Variants in PPFIA1 observed in about 807,000 individuals in gnomAD.
PPFIA1 encodes the protein liprin-alpha-1.
PPFIA1 carries 25 observed loss-of-function variants against 149.9 expected under a neutral mutation model. The ratio of observed to expected loss-of-function variants is 0.17; its 90% CI spans 0.12 to 0.23. PPFIA1 has a LOEUF of 0.23. PPFIA1 is among the 10% of genes least tolerant of loss of function. The pLI, the probability that PPFIA1 is intolerant of heterozygous loss-of-function variation, is 1.00. For missense variants in PPFIA1, 1,362 were observed against 1,506.5 expected, an observed-to-expected ratio of 0.90 and a Z score of 1.59; for synonymous variants, 549 against 552.8, an observed-to-expected ratio of 0.99 and a Z score of 0.10.
At position 70,307,549 on chromosome 11, in the gene PPFIA1, G is replaced by T. The variant is rs149634144; in HGVS notation, c.265-16853G>T. Among the ~76,000 whole-genome samples, 8 of 152,222 alleles carry T rather than the reference G, an allele frequency of 5.3e-5. No homozygotes were observed. In the East Asian group the frequency reaches 1.5e-3, roughly 29 times the overall value. ...GAAGAGTGAACAGGGCTGAAAGGGA[G>T]ATTTCTCTATATACACCTTTATTAC... On this transcript the variant is annotated intron_variant, in intron 2 of 27. Coordinates refer to ENST00000253925, the MANE Select transcript of PPFIA1 (RefSeq NM_003626.5).
At chr11:70,309,892 T>TG (rs1227353068) in intron 2 of PPFIA1, among the ~76,000 whole-genome samples, 1 of 151,980 alleles carries the variant, frequency 6.6e-6, no homozygotes, top group Non-Finnish European at 1.5e-5. Flanking sequence ...GGGGTTTTTT[T>TG]GGGGGGTGAC....
In PPFIA1 at chr11:70,372,050, C is replaced by T. The variant is rs1219147205; in HGVS notation, c.2866-165C>T. On this transcript the variant is annotated intron_variant, in intron 21 of 27. Coordinates refer to ENST00000253925, the MANE Select transcript of PPFIA1 (RefSeq NM_003626.5). ...TCCTGTTGTATAAAAATTTTACTAA[C>T]AAATTTAAAAGGTGAGAAGAGATCA... The T allele has an allele frequency of 1.1e-4, 53 of 496,134 alleles. No homozygotes were observed. In the East Asian group the frequency reaches 1.5e-3, roughly 14 times the overall value. 30.7% of individuals were successfully genotyped at this position (496,134 alleles called of 1,614,324 possible).
chr11:70,374,791 C>T, intron 23 of PPFIA1, 127 bp from the exon 24 acceptor site: 2 of 814,992 alleles, frequency 2.5e-6, no homozygotes, highest in Non-Finnish European at 3.9e-6. Context: ...GCAGTGTCTC[C>T]CAGCACTTTT....
At chr11:70,372,992 G>A (rs539884691) in intron 23 of PPFIA1, among the ~76,000 whole-genome samples, 8 of 152,306 alleles carry the variant, frequency 5.3e-5, no homozygotes, top group South Asian at 2.1e-4. Flanking sequence ...GGAGAGCACC[G>A]TGCAGTTCTG....
rs1354936122 is a variant in PPFIA1, at chr11:70,324,464, A to G, written c.327A>G (p.Glu109=). Residue 109 remains glutamate (E), a synonymous_variant, in exon 3 of 28, where the codon GAA becomes GAG. Coordinates refer to ENST00000253925, the MANE Select transcript of PPFIA1 (RefSeq NM_003626.5). ...GGGAACAGCTCCTTGAAAGGGAAGA[A>G]GAAATTGCTGAACTGAAAGCAGAAA... ...VCREQLLERE[E]EIAELKAERN... is the part of the protein sequence containing the mutation. The G allele has an allele frequency of 2.5e-6, 4 of 1,613,722 alleles. No homozygotes were observed. The African/African-American group carries it at 5.3e-5, about 22-fold the overall frequency.
In PPFIA1 at chr11:70,270,695, C is replaced by G. The variant is rs1284435869; in HGVS notation, c.-220C>G. The G allele has an allele frequency of 6.6e-6, 1 of 151,248 alleles. No individual in the cohort carries two copies. Among genetic ancestry groups the G allele is most frequent in the Non-Finnish European group, 1.5e-5 (1 of 67,750 alleles). The allele number at this position is 151,248 out of a possible 1,614,324, so 9.4% of individuals were successfully genotyped here. On this transcript the variant is annotated 5_prime_UTR_variant, in exon 1 of 28. Coordinates refer to ENST00000253925, the MANE Select transcript of PPFIA1 (RefSeq NM_003626.5). ...GCGCTCGACGTCGGGCACGTAGACG[C>G]CGGCGCCGCGCAGCCGGGCCCGCTC...
chr11:70,285,371 G>C (rs2051039568), intron 2 of PPFIA1, among the ~76,000 whole-genome samples: 1 of 152,032 alleles, frequency 6.6e-6, no homozygotes, highest in Admixed American at 6.6e-5. Context: ...CATGGGTTTG[G>C]GCTATAAAGT....
At chr11:70,357,648 G>A (rs9705227) in intron 19 of PPFIA1, among the ~76,000 whole-genome samples, 26,799 of 150,530 alleles carry the variant, frequency 0.18, 3,104 homozygotes, top group African/African-American at 0.32. Flanking sequence ...GTGCAGTGGC[G>A]CAATCTCAGT....
chr11:70,358,715 T>A (rs1443340861), intron 19 of PPFIA1: 1 of 152,362 alleles, frequency 6.6e-6, no homozygotes, highest in East Asian at 1.9e-4. Context: ...TGCTTTCACT[T>A]ACAGAGAACT....
chr11:70,312,444 G>GC (rs1191505351), intron 2 of PPFIA1, among the ~76,000 whole-genome samples: 5 of 152,142 alleles, frequency 3.3e-5, no homozygotes, highest in Admixed American at 2.0e-4. Flanking sequence ...TCCCACCCGA[G>GC]CCCCCCAAAG....
chr11:70,288,611 A>G (rs914282739), intron 2 of PPFIA1, among the ~76,000 whole-genome samples: 3 of 152,194 alleles, frequency 2.0e-5, no homozygotes, highest in African/African-American at 7.2e-5. Context: ...CCGTCCGTGT[A>G]CAGTGATGAA....
chr11:70,378,148 C>T lies in PPFIA1; in HGVS notation c.3503C>T (p.Ser1168Phe). ...ETLPANFRVT[S>F]SMSSPSMQPK... ...CTCCCTGCAAACTTCCGGGTGACTT[C>T]TTCTATGTCTTCCCCCTCTATGCAG... The change falls in exon 26 of 28, where the codon TCT (serine) becomes TTT (phenylalanine). Residue 1168 changes from serine to phenylalanine, a missense_variant. Physicochemically the swap from Ser to Phe is radical, Grantham distance 155. Transcript: ENST00000253925. The T allele has an allele frequency of 6.2e-7, 1 of 1,614,118 alleles. No homozygotes were observed. Among genetic ancestry groups the T allele is most frequent in the Non-Finnish European group, 8.5e-7 (1 of 1,180,002 alleles).
chr11:70,330,887 T>C (rs1034979902), intron 8 of PPFIA1, among the ~76,000 whole-genome samples: 1 of 152,036 alleles, frequency 6.6e-6, no homozygotes, highest in African/African-American at 2.4e-5. Context: ...CATTGTGCTA[T>C]GATTGTGCCA....
At chr11:70,351,816 C>T (rs964159605) in intron 16 of PPFIA1, among the ~76,000 whole-genome samples, 9 of 152,154 alleles carry the variant, frequency 5.9e-5, no homozygotes, top group African/African-American at 2.2e-4. Context: ...GACAGTTGAC[C>T]ACTTCACCAT....
At chr11:70,342,776 C>T (rs1038261505) in intron 14 of PPFIA1, among the ~76,000 whole-genome samples, 8 of 151,844 alleles carry the variant, frequency 5.3e-5, no homozygotes, top group Admixed American at 2.0e-4. Flanking sequence ...TTTTATTGAT[C>T]CATATTAAGT....
chr11:70,372,012 T>C, intron 21 of PPFIA1: 1 of 404,086 alleles, frequency 2.5e-6, no homozygotes, highest in Non-Finnish European at 4.3e-6. Flanking sequence ...TCATATATTT[T>C]TCATGTTACT....
In PPFIA1 at chr11:70,326,826, A is replaced by G; in HGVS notation, c.930+8A>G. 1 of 1,607,212 alleles carries G rather than the reference A, an allele frequency of 6.2e-7. No homozygotes were observed. The highest frequency in any genetic ancestry group is 8.5e-7 in the Non-Finnish European group (1 of 1,174,328). On this transcript the variant is annotated splice_region_variant and intron_variant, in intron 7 of 27. Coordinates refer to ENST00000253925, the MANE Select transcript of PPFIA1 (RefSeq NM_003626.5). ...CAACGAGATGTCCGTGAAGTGAGCA[A>G]TAACAAAAACTACAGTCTTGTCATG...
intron 2 of PPFIA1, among the ~76,000 whole-genome samples, chr11:70,306,221 ATT>A (rs11351550): frequency 6.7e-6 from 1 of 149,262 alleles, no homozygotes; most frequent in African/African-American, 2.4e-5. Flanking sequence ...GTGATCTTTA[ATT>A]TTTTTTTTTG....
chr11:70,328,746 T>A (rs574620588), intron 7 of PPFIA1, among the ~76,000 whole-genome samples: 42 of 152,270 alleles, frequency 2.8e-4, no homozygotes, highest in Middle Eastern at 3.4e-3. Context: ...TGTTACTGAT[T>A]GACTTTTCCA....
Sources: gnomAD v4.1 joint callset for allele counts (sites outside exome capture counted in the v4.1 genomes callset) on GRCh38, gnomAD v4.1.1 for gene constraint, MANE v1.5 for transcripts, NCBI Gene and HGNC (gene_info 2026-07-23, HGNC 2026-07-21) for gene names.